The following IL1RAPL1 variants were observed in gnomAD, a reference collection of about 807,000 sequenced individuals.
IL1RAPL1 encodes interleukin 1 receptor accessory protein like 1.
In IL1RAPL1, 3 loss-of-function variants were observed where a neutral mutation model predicts 48.4. The observed-to-expected ratio is 0.06, with a 90% CI of 0.03 to 0.16. IL1RAPL1 has a LOEUF of 0.16. IL1RAPL1 is among the 10% of genes least tolerant of loss of function. The pLI, the probability that IL1RAPL1 is intolerant of heterozygous loss-of-function variation, is 1.00. For synonymous variants in IL1RAPL1, 185 were observed against 187.7 expected, an observed-to-expected ratio of 0.99 and a Z score of 0.12; for missense variants, 349 against 530.6, an observed-to-expected ratio of 0.66 and a Z score of 3.36.
At chrX:28,941,364 A>G (rs958939634) in intron 2 of IL1RAPL1, among the ~76,000 whole-genome samples, 2 of 111,113 alleles carry the variant, frequency 1.8e-5, no homozygotes, top group Non-Finnish European at 3.8e-5. Flanking sequence ...TAAGAGTTGG[A>G]TGAAATGGGT....
chrX:29,687,296 T>C (rs1926651662), intron 6 of IL1RAPL1, among the ~76,000 whole-genome samples: 1 of 112,335 alleles, frequency 8.9e-6, no homozygotes, highest in Non-Finnish European at 1.9e-5. Context: ...ATGTTGTATA[T>C]ACACAATGAA....
intron 1 of IL1RAPL1, among the ~76,000 whole-genome samples, chrX:28,762,821 CACAGAGAG>C (rs1428496693): frequency 5.4e-5 from 2 of 37,338 alleles, no homozygotes; most frequent in African/African-American, 7.9e-5. Flanking sequence ...CACACACACA[CACAGAGAG>C]AGAGAGAGAG....
chrX:29,674,578 CTTTTA>C (rs1926224336), intron 6 of IL1RAPL1, among the ~76,000 whole-genome samples: 1 of 111,700 alleles, frequency 9.0e-6, no homozygotes, highest in African/African-American at 3.3e-5. Context: ...TTTAAAAAAA[CTTTTA>C]TTTTAGGTTC....
chrX:28,984,538 C>G (rs1569213463), intron 2 of IL1RAPL1, among the ~76,000 whole-genome samples: 1 of 112,124 alleles, frequency 8.9e-6, no homozygotes, highest in Non-Finnish European at 1.9e-5. Flanking sequence ...CATCTTTCTC[C>G]TTGAAAACCT....
In IL1RAPL1 at chrX:28,938,698, G is replaced by A. The variant is rs764123124; in HGVS notation, c.82+149273G>A. On this transcript the variant is annotated intron_variant, in intron 2 of 10. Transcript: ENST00000378993. ...AAACGGTATCTAATTAAACTTAAGA[G>A]CTTCTGCACAGCAAAAGAAACTATC... Among the ~76,000 whole-genome samples, 10 of 111,532 alleles carry A rather than the reference G, an allele frequency of 9.0e-5. No individual in the cohort carries two copies. The South Asian group carries it at 1.8e-3, about 20-fold the overall frequency.
At chrX:29,473,607 G>A (rs1167429335) in intron 5 of IL1RAPL1, among the ~76,000 whole-genome samples, 6 of 48,286 alleles carry the variant, frequency 1.2e-4, no homozygotes, top group African/African-American at 3.7e-4. Flanking sequence ...CACCCCCCAC[G>A]ACCCCTCAGA....
At chrX:28,593,972 T>C (rs914643699) in intron 1 of IL1RAPL1, among the ~76,000 whole-genome samples, 3 of 111,075 alleles carry the variant, frequency 2.7e-5, no homozygotes, top group African/African-American at 9.8e-5. Context: ...AATAGTAAAT[T>C]ATTATGAATA....
At chrX:29,698,237 C>T (rs138757040) in intron 6 of IL1RAPL1, among the ~76,000 whole-genome samples, 2,201 of 102,986 alleles carry the variant, frequency 0.021, 58 homozygotes, top group African/African-American at 0.075. Context: ...GTGGTGCGGT[C>T]TCGGCTCACT....
In IL1RAPL1 at chrX:29,472,828, G is replaced by A. The variant is rs754576532; in HGVS notation, c.703+73520G>A. ...TGAAGATTTTAGAATCATGCCTGGC[G>A]TGAACTAAATACTTTAAATGTTCAC... is the stretch of plus-strand genomic sequence containing the variant. On this transcript the variant is annotated intron_variant, in intron 5 of 10. Coordinates refer to ENST00000378993, the MANE Select transcript of IL1RAPL1 (RefSeq NM_014271.4). Among the ~76,000 whole-genome samples the A allele has an allele frequency of 4.9e-3, 551 of 111,713 alleles. 3 individuals carry two copies. The highest frequency in any genetic ancestry group is 0.016 in the African/African-American group (495 of 30,720).
intron 2 of IL1RAPL1, among the ~76,000 whole-genome samples, chrX:29,057,106 T>A (rs1251770270): frequency 1.8e-5 from 2 of 112,030 alleles, no homozygotes; most frequent in Non-Finnish European, 3.8e-5. Context: ...TCTCATTTTA[T>A]TTCTTGGTTA....
intron 5 of IL1RAPL1, among the ~76,000 whole-genome samples, chrX:29,661,240 A>G (rs906467944): frequency 3.6e-5 from 4 of 112,578 alleles, no homozygotes; most frequent in African/African-American, 9.7e-5. Context: ...AGATTTTTCT[A>G]TGTATAAGAT....
intron 5 of IL1RAPL1, among the ~76,000 whole-genome samples, chrX:29,492,461 A>G (rs1205773906): frequency 1.8e-5 from 2 of 111,976 alleles, no homozygotes; most frequent in Admixed American, 1.9e-4. Flanking sequence ...TGGAGGCTCT[A>G]GGAAAGAATC....
intron 3 of IL1RAPL1, among the ~76,000 whole-genome samples, chrX:29,382,475 C>A (rs1169274291): frequency 2.7e-5 from 3 of 111,380 alleles, no homozygotes; most frequent in Non-Finnish European, 5.7e-5. Flanking sequence ...TATTCCACCT[C>A]CCCTACGGCC....
At chrX:29,894,851 C>T (rs1423205698) in intron 6 of IL1RAPL1, among the ~76,000 whole-genome samples, 3 of 110,142 alleles carry the variant, frequency 2.7e-5, no homozygotes, top group Non-Finnish European at 3.8e-5. Flanking sequence ...ATTTTTGAGA[C>T]GGAGTCTTGC....
intron 2 of IL1RAPL1, among the ~76,000 whole-genome samples, chrX:29,262,556 G>A (rs1403125935): frequency 5.4e-5 from 6 of 110,106 alleles, no homozygotes; most frequent in Middle Eastern, 4.7e-3. Flanking sequence ...CTAGCTACTC[G>A]GGAGGCTGAA....
chrX:29,075,743 ATGTGAAATG>A (rs1417269851), intron 2 of IL1RAPL1, among the ~76,000 whole-genome samples: 1 of 111,570 alleles, frequency 9.0e-6, no homozygotes, highest in Non-Finnish European at 1.9e-5. Flanking sequence ...ATTTTGAAAT[ATGTGAAATG>A]TGTTCCACTA....
At chrX:28,805,116 G>A (rs953341914) in intron 2 of IL1RAPL1, among the ~76,000 whole-genome samples, 1 of 110,566 alleles carries the variant, frequency 9.0e-6, no homozygotes, top group Non-Finnish European at 1.9e-5. Context: ...CAAGAGAGTG[G>A]GAAATGAGGC....
chrX:28,770,551 CAT>C (rs1407327698), intron 1 of IL1RAPL1, among the ~76,000 whole-genome samples: 1 of 112,448 alleles, frequency 8.9e-6, no homozygotes, highest in African/African-American at 3.2e-5. Context: ...ATCTTGCTGA[CAT>C]GTGTCAACAT....
chrX:28,778,603 G>A (rs1259583977), intron 1 of IL1RAPL1, among the ~76,000 whole-genome samples: 1 of 111,646 alleles, frequency 9.0e-6, no homozygotes, highest in Non-Finnish European at 1.9e-5. Context: ...ACTGTGTAGT[G>A]TTTTTATTTA....
Sources: gnomAD v4.1 joint callset for allele counts (sites outside exome capture counted in the v4.1 genomes callset) on GRCh38, gnomAD v4.1.1 for gene constraint, MANE v1.5 for transcripts, NCBI Gene and HGNC (gene_info 2026-07-23, HGNC 2026-07-21) for gene names.